Variants in DOCK2 observed in about 807,000 individuals in gnomAD.
DOCK2 encodes dedicator of cytokinesis 2, also known as dedicator of cytokinesis protein 2.
In DOCK2, 87 loss-of-function variants were observed where a neutral mutation model predicts 248.9. The ratio of observed to expected loss-of-function variants is 0.35; its 90% CI spans 0.29 to 0.42. The LOEUF (loss-of-function observed/expected upper bound fraction) is 0.42. Among genes scored for constraint, DOCK2 ranks in the 10% least tolerant of loss-of-function variants. DOCK2 has a pLI of 1.00. For synonymous variants in DOCK2, 805 were observed against 821.6 expected (o/e 0.98, Z 0.35); for missense variants, 1,747 against 2,300.2 (o/e 0.76, Z 4.92).
chr5:169,705,504 T>C (rs759057026), intron 14 of DOCK2, among the ~76,000 whole-genome samples: 1 of 152,178 alleles, frequency 6.6e-6, no homozygotes, highest in Non-Finnish European at 1.5e-5. Flanking sequence ...TAAGAGGATG[T>C]TGAGGCAGTT....
rs560501743 is a variant in DOCK2 at position 169,747,526 on chromosome 5, A to G, written c.2376+22A>G. ...GCAGGTTGGTTTATGCTACAATAAA[A>G]TCTATCTTCTCCTTGGCCATCCAGT... On this transcript the variant is annotated intron_variant, in intron 23 of 51. Coordinates refer to ENST00000520908, the MANE Select transcript of DOCK2 (RefSeq NM_004946.3). 10 of 1,589,648 alleles carry G rather than the reference A, an allele frequency of 6.3e-6. No individual in the cohort carries two copies. In the South Asian group the frequency reaches 9.0e-5, roughly 14 times the overall value.
At chr5:170,080,017 G>T in intron 49 of DOCK2, 146 bp from the exon 50 acceptor site, 1 of 1,374,264 alleles carries the variant, frequency 7.3e-7, no homozygotes, top group Admixed American at 2.3e-5. Context: ...GGCATGGAAT[G>T]GTATAATACA....
At chr5:169,751,771 C>T (rs1361659730) in intron 23 of DOCK2, among the ~76,000 whole-genome samples, 1 of 152,142 alleles carries the variant, frequency 6.6e-6, no homozygotes, top group Non-Finnish European at 1.5e-5. Context: ...AGGAAAGGAG[C>T]AATAAAAACA....
intron 24 of DOCK2, 119 bp from the exon 25 acceptor site, chr5:169,761,400 G>T (rs1764480342): frequency 4.0e-6 from 3 of 749,774 alleles, no homozygotes; most frequent in Non-Finnish European, 6.8e-6. Context: ...TGCACCTCAT[G>T]CTCTGCCAGG....
intron 27 of DOCK2, among the ~76,000 whole-genome samples, chr5:169,873,407 A>G (rs1772111369): frequency 6.6e-6 from 1 of 152,238 alleles, no homozygotes; most frequent in Non-Finnish European, 1.5e-5. Flanking sequence ...GGGCATTGCT[A>G]TGACGTTCAC....
chr5:170,040,584 CAAT>C (rs1756482262), intron 36 of DOCK2: 1 of 177,596 alleles, frequency 5.6e-6, no homozygotes, highest in Admixed American at 5.6e-5. Flanking sequence ...CATACTCCTT[CAAT>C]GACACAGTGA....
At chr5:169,883,215 T>C in intron 27 of DOCK2, 1 of 1,551,622 alleles carries the variant, frequency 6.4e-7, no homozygotes, top group Non-Finnish European at 8.7e-7. Context: ...AGTTACTTAC[T>C]TCAGCTGACC....
chr5:170,042,398 A>T (rs910008925), intron 38 of DOCK2, among the ~76,000 whole-genome samples: 2 of 152,196 alleles, frequency 1.3e-5, no homozygotes, highest in African/African-American at 4.8e-5. Flanking sequence ...CATATAGCAG[A>T]TAGGATGATC....
At chr5:169,790,355 G>C (rs1766256117) in intron 25 of DOCK2, among the ~76,000 whole-genome samples, 1 of 152,060 alleles carries the variant, frequency 6.6e-6, no homozygotes, top group African/African-American at 2.4e-5. Context: ...TCAGTACGTG[G>C]TATTATTATT....
At chr5:169,859,699 T>C in intron 27 of DOCK2, among the ~76,000 whole-genome samples, 1 of 152,176 alleles carries the variant, frequency 6.6e-6, no homozygotes, top group African/African-American at 2.4e-5. Context: ...ACCAACCACA[T>C]TGCTCCCAAC....
intron 26 of DOCK2, among the ~76,000 whole-genome samples, chr5:169,810,375 C>T (rs1168676924): frequency 6.6e-6 from 1 of 152,142 alleles, no homozygotes; most frequent in Non-Finnish European, 1.5e-5. Flanking sequence ...TATGCGTGTG[C>T]ATTTTGTCAT....
At chr5:169,905,293 G>GTTTT in intron 27 of DOCK2, among the ~76,000 whole-genome samples, 1 of 146,232 alleles carries the variant, frequency 6.8e-6, no homozygotes, top group South Asian at 2.2e-4. Context: ...TAGAGCCAGT[G>GTTTT]TTTTTTTTTT....
intron 27 of DOCK2, chr5:169,875,250 C>T (rs370395305): frequency 7.9e-5 from 36 of 456,660 alleles, no homozygotes; most frequent in Middle Eastern, 3.3e-4. Context: ...CTGCGGATTC[C>T]CATCCTCCAC....
At position 170,027,948 on chromosome 5, in the gene DOCK2, T is replaced by G. The variant is rs778193399; in HGVS notation, c.3467T>G (p.Ile1156Ser). 3.1e-6 allele frequency: 5 copies of G among 1,611,736 alleles called. No homozygotes were observed. The highest frequency in any genetic ancestry group is 4.2e-6 in the Non-Finnish European group (5 of 1,178,638). ...CAGTACATGCAGCTCCTGGAGTCAA[T>G]GTAAGTTCAGTGCCCTGTGTGTAGG... ...DEQYMQLLES[I>S]LMECAAEHPT... Residue 1156 changes from isoleucine (I) to serine (S), a missense_variant and splice_region_variant, in exon 34 of 52, where the codon ATC (isoleucine) becomes AGC (serine). This residue lies in a region of DOCK2 where 858 missense variants were observed against 1,183.5 expected (regional missense o/e 0.72). Coordinates refer to ENST00000520908, the MANE Select transcript of DOCK2 (RefSeq NM_004946.3).
intron 32 of DOCK2, among the ~76,000 whole-genome samples, chr5:170,012,690 C>T (rs962522502): frequency 1.8e-4 from 28 of 152,110 alleles, no homozygotes; most frequent in Non-Finnish European, 3.2e-4. Flanking sequence ...GGATCCCGGG[C>T]GGACGCCAAA....
intron 27 of DOCK2, among the ~76,000 whole-genome samples, chr5:169,899,564 G>A (rs1046301759): frequency 1.3e-5 from 2 of 152,210 alleles, no homozygotes; most frequent in African/African-American, 4.8e-5. Flanking sequence ...ATAAATGTTT[G>A]TGCAGAGCTG....
intron 27 of DOCK2, among the ~76,000 whole-genome samples, chr5:169,849,418 G>A (rs903401734): frequency 8.5e-5 from 13 of 152,218 alleles, no homozygotes; most frequent in African/African-American, 2.4e-4. Context: ...ACTCCTAAGC[G>A]ATGAATAACT....
intron 27 of DOCK2, among the ~76,000 whole-genome samples, chr5:169,929,359 G>T (rs371775752): frequency 6.6e-6 from 1 of 152,048 alleles, no homozygotes; most frequent in African/African-American, 2.4e-5. Flanking sequence ...CTTTTTACAC[G>T]TAGATTTTCC....
At chr5:169,921,496 T>A (rs1036877917) in intron 27 of DOCK2, among the ~76,000 whole-genome samples, 4 of 152,246 alleles carry the variant, frequency 2.6e-5, no homozygotes, top group Admixed American at 2.6e-4. Flanking sequence ...ACTAAGCACG[T>A]GGATCAACAG....
Sources: allele counts gnomAD v4.1 joint callset (sites outside exome capture counted in the v4.1 genomes callset), GRCh38; gene constraint gnomAD v4.1.1; regional missense constraint gnomAD v4.1.1; transcripts MANE v1.5; gene names NCBI Gene and HGNC (gene_info 2026-07-23, HGNC 2026-07-21).